The following B4GALT6 variants were observed in gnomAD, a reference collection of about 807,000 sequenced individuals.
B4GALT6 encodes beta-1,4-galactosyltransferase 6.
A neutral mutation model predicts 46.3 loss-of-function variants in B4GALT6; 14 were observed. That is an observed-to-expected ratio of 0.30 (90% CI 0.20 to 0.47). The LOEUF (loss-of-function observed/expected upper bound fraction) is 0.47. Ranked by LOEUF, B4GALT6 falls within the 20% of genes least tolerant of loss-of-function variation. B4GALT6 has a pLI of 0.99. For missense variants in B4GALT6, 386 were observed against 480.1 expected, an observed-to-expected ratio of 0.80 and a Z score of 1.83; for synonymous variants, 168 against 162.0, an observed-to-expected ratio of 1.04 and a Z score of -0.28.
At chr18:31,682,147 C>A (rs1453632423) in intron 1 of B4GALT6, among the ~76,000 whole-genome samples, 1 of 152,100 alleles carries the variant, frequency 6.6e-6, no homozygotes, top group Non-Finnish European at 1.5e-5. Flanking sequence ...TGCATCTGAC[C>A]TACATTTTCT....
At chr18:31,710,780 C>T in the B4GALT6 span, among the ~76,000 whole-genome samples, 2 of 146,506 alleles carry the variant, frequency 1.4e-5, no homozygotes, top group African/African-American at 5.0e-5. Flanking sequence ...ATATAGTTTC[C>T]AAAAATACTA....
intron 2 of B4GALT6, among the ~76,000 whole-genome samples, chr18:31,660,813 G>T (rs1262558015): frequency 6.6e-6 from 1 of 152,106 alleles, no homozygotes; most frequent in Non-Finnish European, 1.5e-5. Flanking sequence ...TGATAGGACT[G>T]CTCCCAGCAA....
rs1395003682 is a variant in B4GALT6, at chr18:31,631,073, C to A, written c.662G>T (p.Trp221Leu). Residue 221 changes from tryptophan (W) to leucine (L), a missense_variant, in exon 6 of 9, where the codon TGG (tryptophan) becomes TTG (leucine). Coordinates refer to ENST00000306851, the MANE Select transcript of B4GALT6 (RefSeq NM_004775.5). Reference protein sequence around the residue: ...GFKEAMKDSVWDCVIFHDVDH... With the variant: ...GFKEAMKDSVLDCVIFHDVDH... The stretch of plus-strand genomic sequence containing the variant: ...CACATCGTGGAAGATTACACAGTCC[C>A]AGACACTGTCTTTCATGGCCTCTTT... The A allele has an allele frequency of 6.2e-7, 1 of 1,614,176 alleles. No homozygotes were observed. The highest frequency in any genetic ancestry group is 1.1e-5 in the South Asian group (1 of 91,088).
At chr18:31,662,262 C>G (rs2074226453) in intron 2 of B4GALT6, among the ~76,000 whole-genome samples, 1 of 152,172 alleles carries the variant, frequency 6.6e-6, no homozygotes, top group Admixed American at 6.5e-5. Context: ...TCTTGGCCAC[C>G]TCCTAAGGAG....
chr18:31,722,323 G>C, the B4GALT6 span, among the ~76,000 whole-genome samples: 1 of 152,096 alleles, frequency 6.6e-6, no homozygotes, highest in Admixed American at 6.5e-5. Flanking sequence ...GTATTCTCTG[G>C]AAGAATACAT....
the B4GALT6 span, chr18:31,724,494 C>A: frequency 2.0e-6 from 2 of 1,010,854 alleles, no homozygotes; most frequent in Admixed American, 5.8e-5. Flanking sequence ...CTTTGATTAC[C>A]TGGGGTCTTC....
intron 1 of B4GALT6, among the ~76,000 whole-genome samples, chr18:31,676,072 T>C (rs1028566232): frequency 6.6e-6 from 1 of 152,180 alleles, no homozygotes; most frequent in African/African-American, 2.4e-5. Context: ...CTTTTAATTC[T>C]CTACCTTTGG....
intron 3 of B4GALT6, among the ~76,000 whole-genome samples, chr18:31,657,325 C>G (rs2074152765): frequency 6.6e-6 from 1 of 151,950 alleles, no homozygotes; most frequent in Admixed American, 6.6e-5. Context: ...AGACGTACCA[C>G]ACAGTAATAG....
intron 3 of B4GALT6, among the ~76,000 whole-genome samples, chr18:31,650,729 G>A (rs560936006): frequency 6.6e-6 from 1 of 152,344 alleles, no homozygotes; most frequent in East Asian, 1.9e-4. Context: ...GACTTTTGCA[G>A]TCTAGGGTTT....
chr18:31,645,505 GT>G lies in B4GALT6; in HGVS notation c.347-27del. On this transcript the variant is annotated intron_variant, in intron 3 of 8. Transcript: ENST00000306851. ...CTACAAATTAAAAATGTAAAGAATT[GT>G]TTTAATATTTTTTGCCTCAAAGATC... 4 of 1,596,892 alleles carry G rather than the reference GT, an allele frequency of 2.5e-6. No homozygotes were observed. The South Asian group carries it at 4.6e-5, about 18-fold the overall frequency.
intron 3 of B4GALT6, among the ~76,000 whole-genome samples, chr18:31,656,171 T>C (rs772493554): frequency 1.3e-5 from 2 of 152,180 alleles, no homozygotes; most frequent in Non-Finnish European, 1.5e-5. Flanking sequence ...TTTCTTTTTA[T>C]TATTGATATA....
At chr18:31,642,750 T>TCTTGGCTCACTGCAACCTCTGCCTC (rs1360866236) in intron 4 of B4GALT6, among the ~76,000 whole-genome samples, 10 of 152,254 alleles carry the variant, frequency 6.6e-5, no homozygotes, top group Non-Finnish European at 1.3e-4. Context: ...GTGGGCGCGA[T>TCTTGGCTCACTGCAACCTCTGCCTC]CTTGGCTCAC....
At chr18:31,671,737 A>G (rs917839813) in intron 1 of B4GALT6, among the ~76,000 whole-genome samples, 9 of 152,220 alleles carry the variant, frequency 5.9e-5, no homozygotes, top group Non-Finnish European at 1.0e-4. Flanking sequence ...ATTCCAATTT[A>G]TAAGAAACCC....
chr18:31,668,665 C>T (rs1478973255), intron 1 of B4GALT6, among the ~76,000 whole-genome samples: 1 of 151,972 alleles, frequency 6.6e-6, no homozygotes, highest in Non-Finnish European at 1.5e-5. Flanking sequence ...AGATATTAAG[C>T]CCTTAAAAGT....
At chr18:31,676,868 T>C (rs1216117623) in intron 1 of B4GALT6, among the ~76,000 whole-genome samples, 2 of 152,326 alleles carry the variant, frequency 1.3e-5, no homozygotes, top group East Asian at 3.8e-4. Context: ...TTAAAGCATA[T>C]CACCTTAAAT....
upstream of B4GALT6, among the ~76,000 whole-genome samples, chr18:31,689,972 G>A (rs142337093): frequency 3.5e-4 from 54 of 152,164 alleles, 2 homozygotes; most frequent in East Asian, 9.3e-3. Flanking sequence ...TGAATTCTAC[G>A]CAGTGTTACT....
At chr18:31,649,575 C>CAAAAAAAAAAAAAAAAAAAAA (rs66578099) in intron 3 of B4GALT6, among the ~76,000 whole-genome samples, 1 of 102,412 alleles carries the variant, frequency 9.8e-6, no homozygotes, top group Non-Finnish European at 2.1e-5. Flanking sequence ...AAAAAATGAG[C>CAAAAAAAAAAAAAAAAAAAAA]AAAAAAAAAA....
At chr18:31,650,202 T>G (rs2074047286) in intron 3 of B4GALT6, among the ~76,000 whole-genome samples, 2 of 152,246 alleles carry the variant, frequency 1.3e-5, no homozygotes, top group South Asian at 4.1e-4. Context: ...AGTGGTTTGC[T>G]AATTTTGATG....
At chr18:31,679,106 G>A (rs192149998) in intron 1 of B4GALT6, among the ~76,000 whole-genome samples, 3 of 152,336 alleles carry the variant, frequency 2.0e-5, no homozygotes, top group Admixed American at 6.5e-5. Context: ...AGTAATCACA[G>A]ACATGGCTAT....
Sources: allele counts gnomAD v4.1 joint callset (sites outside exome capture counted in the v4.1 genomes callset), GRCh38; gene constraint gnomAD v4.1.1; transcripts MANE v1.5; gene names NCBI Gene and HGNC (gene_info 2026-07-23, HGNC 2026-07-21).